Variants in PLCL1 observed in about 807,000 individuals in gnomAD.
PLCL1 encodes phospholipase C like 1 (inactive).
Under a neutral mutation model 84.4 loss-of-function variants are expected in PLCL1, and 41 were observed. The observed-to-expected ratio is 0.49, with a 90% CI of 0.38 to 0.63. The LOEUF is 0.63. Among genes scored for constraint, PLCL1 ranks in the 30% least tolerant of loss-of-function variants. PLCL1 has a pLI of 0.00. For missense variants in PLCL1, 1,206 were observed against 1,367.8 expected (o/e 0.88, Z 1.87); for synonymous variants, 490 against 488.3 (o/e 1.00, Z -0.05).
chr2:197,973,262 T>C (rs1406065611), intron 1 of PLCL1, among the ~76,000 whole-genome samples: 1 of 152,342 alleles, frequency 6.6e-6, no homozygotes, highest in South Asian at 2.1e-4. Context: ...TACCACCGTC[T>C]TTCCTTATGG....
chr2:197,835,000 A>C (rs1559019818), intron 1 of PLCL1, among the ~76,000 whole-genome samples: 1 of 152,186 alleles, frequency 6.6e-6, no homozygotes, highest in Non-Finnish European at 1.5e-5. Flanking sequence ...TCCTTTGTAG[A>C]GACATGGATG....
chr2:198,054,935 A>C (rs1283775742), intron 1 of PLCL1, among the ~76,000 whole-genome samples: 1 of 152,172 alleles, frequency 6.6e-6, no homozygotes, highest in Non-Finnish European at 1.5e-5. Flanking sequence ...CAATATCTAG[A>C]TATATTAAGA....
At chr2:198,075,252 A>G (rs1268792245) in intron 1 of PLCL1, among the ~76,000 whole-genome samples, 2 of 152,174 alleles carry the variant, frequency 1.3e-5, no homozygotes, top group African/African-American at 4.8e-5. Flanking sequence ...TTCTGCTAAG[A>G]GTTGCGCAGG....
Position 197,804,755 on chromosome 2 carries a change from C to A in PLCL1, c.-345C>A, listed in dbSNP as rs1690428528. 5.3e-6 allele frequency: 1 copy of A among 189,574 alleles called. No individual in the cohort carries two copies. The highest frequency in any genetic ancestry group is 6.2e-5 in the Admixed American group (1 of 16,120). The allele number at this position is 189,574 out of a possible 1,614,324, so 11.7% of individuals were successfully genotyped here. A position where few individuals can be genotyped will look rare whatever the true frequency, so the allele number is the denominator to read the frequency against. Reference sequence around the variant, plus strand: ...GGCCGCCTGGCTGGGCGCCCGGTGCCTTTTGTCTGGCGCAGGGCCGGCGTT... The same window carrying A: ...GGCCGCCTGGCTGGGCGCCCGGTGCATTTTGTCTGGCGCAGGGCCGGCGTT... On this transcript the variant is annotated 5_prime_UTR_variant, in exon 1 of 6. Transcript: ENST00000428675.
intron 1 of PLCL1, among the ~76,000 whole-genome samples, chr2:197,808,655 A>G (rs700665): frequency 1.3e-5 from 2 of 152,074 alleles, no homozygotes; most frequent in African/African-American, 2.4e-5. Flanking sequence ...AGTACATTTT[A>G]TATTAATCAA....
Position 197,897,469 on chromosome 2 carries a change from G to A in PLCL1, c.240+92130G>A, listed in dbSNP as rs548991466. Among the ~76,000 whole-genome samples the A allele has an allele frequency of 2.1e-3, 322 of 152,026 alleles. 1 individual carries two copies. Among genetic ancestry groups the A allele is most frequent in the African/African-American group, 7.3e-3 (304 of 41,432 alleles). The stretch of plus-strand genomic sequence containing the variant: ...TGCTCTACCAACTAATAGCCATAGT[G>A]TCTTGGCTAAGTCACAGAACTTCTA... On this transcript the variant is annotated intron_variant, in intron 1 of 5. Transcript: ENST00000428675.
intron 5 of PLCL1, among the ~76,000 whole-genome samples, chr2:198,131,040 C>T (rs556911730): frequency 5.3e-5 from 8 of 152,240 alleles, no homozygotes; most frequent in South Asian, 2.1e-4. Context: ...CCTCCAGCTT[C>T]GTCTCTCATT....
Position 198,103,890 on chromosome 2 carries a change from T to A in PLCL1, c.3059T>A (p.Leu1020His). The part of the protein sequence containing the change: ...GAKEGLKGRK[L>H]NKATESFAWN... ...AAAGAAGGCTTGAAGGGAAGAAAACTCAACAAAGCAACTGAGAGCTTTGCT... is the reference window on the plus strand; with the variant it reads ...AAAGAAGGCTTGAAGGGAAGAAAACACAACAAAGCAACTGAGAGCTTTGCT... The change falls in exon 5 of 6, where the codon CTC (leucine) becomes CAC (histidine). Residue 1020 changes from leucine to histidine, a missense_variant. By Grantham distance (99) the Leu-to-His change is moderately conservative. Transcript: ENST00000428675. 1 of 1,608,452 alleles carries A rather than the reference T, an allele frequency of 6.2e-7. No individual in the cohort carries two copies. The highest frequency in any genetic ancestry group is 8.5e-7 in the Non-Finnish European group (1 of 1,176,918).
chr2:198,028,167 T>A (rs1691320242), intron 1 of PLCL1, among the ~76,000 whole-genome samples: 1 of 152,140 alleles, frequency 6.6e-6, no homozygotes, highest in Non-Finnish European at 1.5e-5. Flanking sequence ...TTTTACAGCT[T>A]TTCTGTAAAT....
rs79909438 is a variant in PLCL1 at position 198,059,327 on chromosome 2, G to T, written c.241-24431G>T. Reference sequence around the variant, plus strand: ...AAAAAGAAATCAAATATTTAAATTTGATGTATCTCATTATTAAAAAATATA... The same window carrying T: ...AAAAAGAAATCAAATATTTAAATTTTATGTATCTCATTATTAAAAAATATA... On this transcript the variant is annotated intron_variant, in intron 1 of 5. Coordinates refer to ENST00000428675, the MANE Select transcript of PLCL1 (RefSeq NM_006226.4). Among the ~76,000 whole-genome samples the T allele has an allele frequency of 3.1e-3, 472 of 152,230 alleles. 2 individuals are homozygous for T. The highest frequency in any genetic ancestry group is 0.011 in the African/African-American group (442 of 41,536).
At chr2:197,930,457 T>C (rs1688909961) in intron 1 of PLCL1, among the ~76,000 whole-genome samples, 1 of 152,226 alleles carries the variant, frequency 6.6e-6, no homozygotes, top group South Asian at 2.1e-4. Flanking sequence ...TTATACTTGA[T>C]GACTTTAAAT....
chr2:198,113,482 T>A (rs530366948), intron 5 of PLCL1, among the ~76,000 whole-genome samples: 46 of 151,980 alleles, frequency 3.0e-4, no homozygotes, highest in South Asian at 4.1e-4. Context: ...ATGATGTGTG[T>A]TAAATTTGTC....
chr2:197,886,354 G>A (rs1687921354), intron 1 of PLCL1, among the ~76,000 whole-genome samples: 1 of 135,086 alleles, frequency 7.4e-6, no homozygotes, highest in Admixed American at 8.5e-5. Context: ...GGAGGTTGCA[G>A]TGAGCCGAGG....
intron 1 of PLCL1, among the ~76,000 whole-genome samples, chr2:198,001,270 A>G (rs1690594231): frequency 6.6e-6 from 1 of 152,218 alleles, no homozygotes; most frequent in African/African-American, 2.4e-5. Context: ...TGCTGCTGTC[A>G]CATCACTTAT....
intron 1 of PLCL1, among the ~76,000 whole-genome samples, chr2:197,911,578 A>C (rs1448488443): frequency 1.3e-5 from 2 of 152,190 alleles, no homozygotes; most frequent in Admixed American, 6.5e-5. Flanking sequence ...CTTTGCTTCC[A>C]GGCATTAAGA....
chr2:197,880,516 C>T (rs1369609547), intron 1 of PLCL1, among the ~76,000 whole-genome samples: 3 of 151,976 alleles, frequency 2.0e-5, no homozygotes, highest in Non-Finnish European at 4.4e-5. Context: ...TTTTACTTGT[C>T]TTCAGGTGTT....
chr2:197,919,518 CAT>C (rs960303169), intron 1 of PLCL1, among the ~76,000 whole-genome samples: 2 of 152,240 alleles, frequency 1.3e-5, no homozygotes, highest in African/African-American at 4.8e-5. Flanking sequence ...AACCCCCACT[CAT>C]TGACTTCCTT....
chr2:197,937,966 G>T (rs1272508764), intron 1 of PLCL1, among the ~76,000 whole-genome samples: 1 of 152,046 alleles, frequency 6.6e-6, no homozygotes, highest in Admixed American at 6.6e-5. Flanking sequence ...TTGTACTTGG[G>T]ACCTGTTGGG....
chr2:197,959,669 A>G (rs1306749957), intron 1 of PLCL1, among the ~76,000 whole-genome samples: 3 of 151,980 alleles, frequency 2.0e-5, no homozygotes. Context: ...ACCAGTGTTT[A>G]AAAAAATTGT....
Sources: gnomAD v4.1 joint callset for allele counts (sites outside exome capture counted in the v4.1 genomes callset) on GRCh38, gnomAD v4.1.1 for gene constraint, MANE v1.5 for transcripts, NCBI Gene and HGNC (gene_info 2026-07-23, HGNC 2026-07-21) for gene names.